Variants in TGFB3 observed in about 807,000 individuals in gnomAD.
The protein encoded by TGFB3 is transforming growth factor beta 3.
TGFB3 carries 5 observed loss-of-function variants against 40.1 expected under a neutral mutation model. The ratio of observed to expected loss-of-function variants is 0.12; its 90% CI spans 0.07 to 0.26. The LOEUF (loss-of-function observed/expected upper bound fraction) is 0.26, where lower values mean the gene tolerates loss of function less well. Ranked by LOEUF, TGFB3 falls within the 10% of genes least tolerant of loss-of-function variation. The pLI is 1.00. For missense variants in TGFB3, 373 were observed against 530.1 expected, an observed-to-expected ratio of 0.70 and a Z score of 2.91; for synonymous variants, 184 against 205.6, an observed-to-expected ratio of 0.89 and a Z score of 0.90.
In TGFB3 at chr14:75,981,023, G is replaced by T; in HGVS notation, c.-130C>A. The T allele has an allele frequency of 1.2e-6, 1 of 838,164 alleles. No homozygotes were observed. The highest frequency in any genetic ancestry group is 2.0e-6 in the Non-Finnish European group (1 of 504,340). The allele number at this position is 838,164 out of a possible 1,614,324, so 51.9% of individuals were successfully genotyped here. ...CCCAAAGACTGAGGCTTGGCAAGAAGGTGCATGAACTCACTGCACTGCGAG... is the reference window on the plus strand; with the variant it reads ...CCCAAAGACTGAGGCTTGGCAAGAATGTGCATGAACTCACTGCACTGCGAG... On this transcript the variant is annotated 5_prime_UTR_variant, in exon 1 of 7. Coordinates refer to ENST00000238682, the MANE Select transcript of TGFB3 (RefSeq NM_003239.5). This position sits in a 1 kb window ranked among gnomAD's most constrained non-coding sequence, Gnocchi z 4.7.
At position 75,978,391 on chromosome 14, in the gene TGFB3, G is replaced by T. The variant is rs748296252; in HGVS notation, c.352+2151C>A. On this transcript the variant is annotated intron_variant, in intron 1 of 6. Coordinates refer to ENST00000238682, the MANE Select transcript of TGFB3 (RefSeq NM_003239.5). This position sits in a 1 kb window ranked among gnomAD's most constrained non-coding sequence, Gnocchi z 5.0. ...GCCTTCTTTATAGTTAGTGTGCCTT[G>T]TGTGTCTGCCTCTCTGGGGTGGGCT... Among the ~76,000 whole-genome samples the T allele has an allele frequency of 1.8e-4, 28 of 152,074 alleles. No homozygotes were observed. Among genetic ancestry groups the T allele is most frequent in the Non-Finnish European group, 3.4e-4 (23 of 68,024 alleles).
At position 75,971,356 on chromosome 14, in the gene TGFB3, GGTTCCTGAATGC is replaced by G; in HGVS notation, c.517-113_517-102del. On this transcript the variant is annotated intron_variant, in intron 2 of 6. Coordinates refer to ENST00000238682, the MANE Select transcript of TGFB3 (RefSeq NM_003239.5). The surrounding 1 kb of genome is among the most constrained non-coding windows in gnomAD (Gnocchi z 4.5). ...GGTGAGGGAGCGATAGGAAACCAGT[GGTTCCTGAATGC>G]CATGGCCCTCGAGCACCTTAGCTAA... 3 of 1,587,448 alleles carry G rather than the reference GGTTCCTGAATGC, an allele frequency of 1.9e-6. No individual in the cohort carries two copies.
chr14:75,963,492 A>G lies in TGFB3; in HGVS notation c.755-5T>C, dbSNP rs768188445. ...GGTCATCCTCATTGTCCACGCCTGA[A>G]GAAGGGAAGGAAAGTGACAATCTCC... On this transcript the variant is annotated splice_polypyrimidine_tract_variant and splice_region_variant and intron_variant, in intron 4 of 6. Transcript: ENST00000238682. The G allele has an allele frequency of 3.7e-6, 6 of 1,613,982 alleles. No homozygotes were observed. The Admixed American group carries it at 5.0e-5, about 13-fold the overall frequency.
chr14:75,972,160 C>T (rs1206104571), intron 1 of TGFB3, among the ~76,000 whole-genome samples: 1 of 152,222 alleles, frequency 6.6e-6, no homozygotes, highest in African/African-American at 2.4e-5. Context: ...TATTGAGCAG[C>T]TACTATATGC....
chr14:75,974,463 T>C (rs1478132484), intron 1 of TGFB3, among the ~76,000 whole-genome samples: 1 of 152,048 alleles, frequency 6.6e-6, no homozygotes, highest in Non-Finnish European at 1.5e-5. Flanking sequence ...GAAATGGCTG[T>C]CTAGAGGGTC....
intron 1 of TGFB3, among the ~76,000 whole-genome samples, chr14:75,974,991 T>G (rs1479590216): frequency 6.6e-6 from 1 of 152,026 alleles, no homozygotes; most frequent in Non-Finnish European, 1.5e-5. Context: ...CTCGGGAGGC[T>G]GAGGCGGGAG....
At chr14:75,964,636 A>AT (rs754152770) in intron 4 of TGFB3, among the ~76,000 whole-genome samples, 7 of 152,170 alleles carry the variant, frequency 4.6e-5, no homozygotes, top group Non-Finnish European at 1.0e-4. Flanking sequence ...GGGGCACCAG[A>AT]TCTGTAAGAT....
intron 5 of TGFB3, among the ~76,000 whole-genome samples, 154 bp from the exon 6 acceptor site, chr14:75,961,230 A>G (rs572107401): frequency 6.6e-6 from 1 of 152,372 alleles, no homozygotes; most frequent in Non-Finnish European, 1.5e-5. Context: ...GGCAGAAGAA[A>G]CCAGAAAGGC....
intron 5 of TGFB3, 151 bp downstream of exon 5, chr14:75,963,165 C>A: frequency 3.4e-6 from 3 of 893,654 alleles, no homozygotes; most frequent in Non-Finnish European, 5.5e-6. Context: ...CAGAGAAAAT[C>A]TCTGTGAGAG....
chr14:75,980,551 C>A lies in TGFB3; in HGVS notation c.343G>T (p.Ala115Ser). 1 of 1,614,236 alleles carries A rather than the reference C, an allele frequency of 6.2e-7. No homozygotes were observed. Among genetic ancestry groups the A allele is most frequent in the Non-Finnish European group, 8.5e-7 (1 of 1,180,048 alleles). The change falls in exon 1 of 7, where the codon GCG (alanine) becomes TCG (serine). Residue 115 changes from alanine to serine, a missense_variant. Transcript: ENST00000238682. The surrounding 1 kb of genome is among the most constrained non-coding windows in gnomAD (Gnocchi z 4.3). Reference sequence around the variant, plus strand: ...GAGAATTTGGACTTACTGTGCTCCGCCAGCCCCTGGATCATGTCGAATTTA... The same window carrying A: ...GAGAATTTGGACTTACTGTGCTCCGACAGCCCCTGGATCATGTCGAATTTA... ...IHKFDMIQGLAEHNELAVCPK... is the reference protein window; with the variant it reads ...IHKFDMIQGLSEHNELAVCPK...
chr14:75,972,670 G>GC (rs1220544602), intron 1 of TGFB3, among the ~76,000 whole-genome samples: 1 of 152,156 alleles, frequency 6.6e-6, no homozygotes, highest in African/African-American at 2.4e-5. Flanking sequence ...ATGAGTAAGA[G>GC]GGGCCCGAAA....
chr14:75,976,247 T>A (rs1162802618), intron 1 of TGFB3, among the ~76,000 whole-genome samples: 2 of 152,204 alleles, frequency 1.3e-5, no homozygotes, highest in African/African-American at 2.4e-5. Flanking sequence ...CCTGGAAAGC[T>A]TTAAAAACAA....
intron 6 of TGFB3, 161 bp downstream of exon 6, chr14:75,960,762 A>T: frequency 1.1e-6 from 1 of 882,660 alleles, no homozygotes; most frequent in Non-Finnish European, 1.8e-6. Flanking sequence ...GACTGAGTAG[A>T]ACTGAGTCAG....
chr14:75,979,015 A>G lies in TGFB3; in HGVS notation c.352+1527T>C, dbSNP rs3917152. ...TTCCCAGGGAGTTGGAGCCTTGGCC[A>G]TCGAGCTGCTAGGTGCCTCTGGGAA... On this transcript the variant is annotated intron_variant, in intron 1 of 6. Coordinates refer to ENST00000238682, the MANE Select transcript of TGFB3 (RefSeq NM_003239.5). This position sits in a 1 kb window ranked among gnomAD's most constrained non-coding sequence, Gnocchi z 4.8. Among the ~76,000 whole-genome samples, 289 of 152,262 alleles carry G rather than the reference A, an allele frequency of 1.9e-3. 2 individuals carry two copies. Among genetic ancestry groups the G allele is most frequent in the Middle Eastern group, 0.01 (3 of 294 alleles).
rs542685568 is a variant in TGFB3, at chr14:75,971,701, G to C, written c.370C>G (p.Pro124Ala). ...AAAACCTTGGAGGTAATTCCTTTAG[G>C]GCAGACAGCCAGTTCGTCTAGGAGA... ...LAEHNELAVC[P>A]KGITSKVFRF... Residue 124 changes from proline to alanine, a missense_variant, in exon 2 of 7, where the codon CCT (proline) becomes GCT (alanine). Transcript: ENST00000238682. The surrounding 1 kb of genome is among the most constrained non-coding windows in gnomAD (Gnocchi z 4.5). 6.2e-7 allele frequency: 1 copy of C among 1,614,172 alleles called. No homozygotes were observed. Among genetic ancestry groups the C allele is most frequent in the Middle Eastern group, 1.7e-4 (1 of 6,060 alleles).
chr14:75,958,902 C>A lies in TGFB3; in HGVS notation c.*285G>T. 2.3e-6 allele frequency: 1 copy of A among 426,064 alleles called. No homozygotes were observed. Among genetic ancestry groups the A allele is most frequent in the Non-Finnish European group, 4.4e-6 (1 of 226,728 alleles). The allele number at this position is 426,064 out of a possible 1,614,324, so 26.4% of individuals were successfully genotyped here. On this transcript the variant is annotated 3_prime_UTR_variant, in exon 7 of 7. Coordinates refer to ENST00000238682, the MANE Select transcript of TGFB3 (RefSeq NM_003239.5). The stretch of plus-strand genomic sequence containing the variant: ...CACACAACATCTCAACTTACCATCC[C>A]TTTCCTCTATCCCCATCCCCTCTGT...
chr14:75,964,483 C>T (rs1187307009), intron 4 of TGFB3, among the ~76,000 whole-genome samples: 1 of 152,154 alleles, frequency 6.6e-6, no homozygotes, highest in Non-Finnish European at 1.5e-5. Flanking sequence ...AAGGAAAAGA[C>T]TGGAGACTGA....
At chr14:75,963,968 C>T (rs750860713) in intron 4 of TGFB3, among the ~76,000 whole-genome samples, 3 of 152,134 alleles carry the variant, frequency 2.0e-5, no homozygotes, top group South Asian at 2.1e-4. Context: ...CCTCTGCCTC[C>T]GGGGTTCAAG....
chr14:75,963,033 A>T, intron 5 of TGFB3: 1 of 536,996 alleles, frequency 1.9e-6, no homozygotes, highest in Non-Finnish European at 3.3e-6. Context: ...AGCCTCTCCA[A>T]TCCAAACTAT....
Sources: allele counts gnomAD v4.1 joint callset (sites outside exome capture counted in the v4.1 genomes callset), GRCh38; gene constraint gnomAD v4.1.1; non-coding constraint Gnocchi (gnomAD v3.1); transcripts MANE v1.5; gene names NCBI Gene and HGNC (gene_info 2026-07-23, HGNC 2026-07-21).